Variants in SYCP2 observed in about 807,000 individuals in gnomAD.
SYCP2 encodes the protein synaptonemal complex lateral element protein.
In SYCP2, 55 loss-of-function variants were observed where a neutral mutation model predicts 211.3. That is an observed-to-expected ratio of 0.26 (90% confidence interval 0.21 to 0.33). The LOEUF is 0.33. Among genes scored for constraint, SYCP2 ranks in the 10% least tolerant of loss-of-function variants. SYCP2 has a pLI of 1.00. For synonymous variants in SYCP2, 570 were observed against 555.2 expected (o/e 1.03, Z -0.37); for missense variants, 1,731 against 1,752.0 (o/e 0.99, Z 0.21).
chr20:59,901,755 G>A lies in SYCP2; in HGVS notation c.1089C>T (p.Ser363=), dbSNP rs1182002218. ...TIILKNTVKI[S]KREGKELLLY... is the part of the protein sequence containing the mutation. ...AAAGCAATTCTTTCCCTTCTCTTTT[G>A]CTAATTTTTACTGTATTTTTCAGAA... Residue 363 remains serine (S), a synonymous_variant, in exon 16 of 45, where the codon AGC becomes AGT. Transcript: ENST00000357552. 1.2e-6 allele frequency: 2 copies of A among 1,604,148 alleles called. No homozygotes were observed. The highest frequency in any genetic ancestry group is 2.2e-5 in the South Asian group (2 of 89,566).
chr20:59,915,418 T>G (rs1187369260), intron 9 of SYCP2, 47 bp downstream of exon 9: 1 of 1,300,962 alleles, frequency 7.7e-7, no homozygotes, highest in Non-Finnish European at 1.1e-6. Context: ...TTATAAAACA[T>G]TCTTATGGAT....
At position 59,909,738 on chromosome 20, in the gene SYCP2, A is replaced by C. The variant is rs566507558; in HGVS notation, c.972+2012T>G. Among the ~76,000 whole-genome samples the C allele has an allele frequency of 5.9e-5, 9 of 152,372 alleles. No homozygotes were observed. The East Asian group carries it at 1.7e-3, about 29-fold the overall frequency. Reference sequence around the variant, plus strand: ...TTTACTCATTCTTCCAACAAACATGAGCCACTGAATAGCTATAAACTAATC... The same window carrying C: ...TTTACTCATTCTTCCAACAAACATGCGCCACTGAATAGCTATAAACTAATC... On this transcript the variant is annotated intron_variant, in intron 14 of 44. Coordinates refer to ENST00000357552, the MANE Select transcript of SYCP2 (RefSeq NM_014258.4).
chr20:59,883,898 T>C (rs1165668907), intron 26 of SYCP2, among the ~76,000 whole-genome samples: 2 of 152,034 alleles, frequency 1.3e-5, no homozygotes, highest in Non-Finnish European at 2.9e-5. Flanking sequence ...TAAGAGTAGA[T>C]TTTATGCGTT....
At chr20:59,899,642 GA>G (rs895179679) in intron 18 of SYCP2, among the ~76,000 whole-genome samples, 3 of 152,042 alleles carry the variant, frequency 2.0e-5, no homozygotes, top group African/African-American at 7.2e-5. Context: ...CGGACCTTAA[GA>G]AACAGGGGGC....
intron 31 of SYCP2, among the ~76,000 whole-genome samples, chr20:59,879,256 C>T (rs1248856760): frequency 6.6e-6 from 1 of 152,002 alleles, no homozygotes; most frequent in Non-Finnish European, 1.5e-5. Context: ...TACTTCAATA[C>T]TGCATTCCCT....
chr20:59,908,629 T>TA (rs1020242126), intron 14 of SYCP2, among the ~76,000 whole-genome samples: 30 of 152,256 alleles, frequency 2.0e-4, no homozygotes, highest in Middle Eastern at 3.4e-3. Flanking sequence ...GTTCACTTTT[T>TA]AAAAAAACAC....
At position 59,912,384 on chromosome 20, in the gene SYCP2, C is replaced by G; in HGVS notation, c.865G>C (p.Asp289His). Residue 289 changes from aspartate (D) to histidine (H), a missense_variant, in exon 13 of 45, where the codon GAT (aspartate) becomes CAT (histidine). Around this residue, in one of 3 missense-constraint regions of SYCP2, gnomAD observed 335 missense variants for 378.8 expected, o/e 0.88. Coordinates refer to ENST00000357552, the MANE Select transcript of SYCP2 (RefSeq NM_014258.4). ...AATTAAAATTTTACCTCATATTTAT[C>G]AAGAAATGCTGATAAACAAGGAAAT... ...FTFPCLSAFLDKYELQIPSDE... is the reference protein window; with the variant it reads ...FTFPCLSAFLHKYELQIPSDE... The G allele has an allele frequency of 1.9e-6, 2 of 1,076,754 alleles. No individual in the cohort carries two copies. The highest frequency in any genetic ancestry group is 1.5e-5 in the South Asian group (1 of 68,160). 66.7% of individuals were successfully genotyped at this position (1,076,754 alleles called of 1,614,324 possible). A position where few individuals can be genotyped will look rare whatever the true frequency, so the allele number is the denominator to read the frequency against.
chr20:59,921,121 C>T (rs2060533468), intron 4 of SYCP2, among the ~76,000 whole-genome samples, 189 bp downstream of exon 4: 1 of 151,562 alleles, frequency 6.6e-6, no homozygotes, highest in Non-Finnish European at 1.5e-5. Flanking sequence ...TGGGAAATGA[C>T]ATTCCAATGT....
chr20:59,875,132 A>C, intron 34 of SYCP2, 139 bp downstream of exon 34: 1 of 536,754 alleles, frequency 1.9e-6, no homozygotes, highest in Non-Finnish European at 3.2e-6. Flanking sequence ...TACTAGCATT[A>C]ATTAGCTTAA....
At chr20:59,879,654 CA>C (rs1401529391) in intron 31 of SYCP2, among the ~76,000 whole-genome samples, 3 of 150,470 alleles carry the variant, frequency 2.0e-5, no homozygotes, top group Non-Finnish European at 4.4e-5. Context: ...ACAGAGAAAG[CA>C]GAAGCCACTT....
In SYCP2 at chr20:59,919,574, G is replaced by A; in HGVS notation, c.321C>T (p.Ser107=). The A allele has an allele frequency of 6.2e-7, 1 of 1,607,444 alleles. No homozygotes were observed. Among genetic ancestry groups the A allele is most frequent in the Non-Finnish European group, 8.5e-7 (1 of 1,176,372 alleles). ...TTCCTTGACTCTGAATAATGTCCTT[G>A]GATTTTTCAAACCAGGCAACCATGT... ...IQKMVAWFEK[S]KDIIQSQGNS... Residue 107 remains serine (S), a synonymous_variant, in exon 6 of 45, where the codon TCC becomes TCT. Transcript: ENST00000357552.
chr20:59,876,262 T>C (rs1159783783), intron 33 of SYCP2, among the ~76,000 whole-genome samples: 1 of 150,432 alleles, frequency 6.6e-6, no homozygotes, highest in Non-Finnish European at 1.5e-5. Context: ...TCCCAGCTAC[T>C]AGGCAGGCTG....
intron 3 of SYCP2, 122 bp downstream of exon 3, chr20:59,922,268 T>A: frequency 1.2e-6 from 1 of 852,230 alleles, no homozygotes; most frequent in East Asian, 2.8e-5. Flanking sequence ...AAACTATTCT[T>A]GACCATTTCA....
chr20:59,913,335 A>ATGAC (rs954195531), intron 12 of SYCP2, among the ~76,000 whole-genome samples: 2 of 152,170 alleles, frequency 1.3e-5, no homozygotes, highest in Non-Finnish European at 2.9e-5. Flanking sequence ...ATCAGGTAAT[A>ATGAC]TGACTCCTTG....
At chr20:59,885,261 T>A (rs1434467001) in intron 26 of SYCP2, 2 of 152,038 alleles carry the variant, frequency 1.3e-5, no homozygotes, top group African/African-American at 2.4e-5. Context: ...GTAAGTGGCA[T>A]GATTGGAGCT....
Position 59,920,451 on chromosome 20 carries a change from T to C in SYCP2, c.205A>G (p.Ile69Val), listed in dbSNP as rs756830364. ...NKEDIHNVSAILVSVGRCGKN... is the reference protein window; with the variant it reads ...NKEDIHNVSAVLVSVGRCGKN... ...CCACATCTTCCAACAGAAACCAAAA[T>C]GGCTGAAACATTGTGGATATCCTCT... The change falls in exon 5 of 45, where the codon ATT becomes GTT. Residue 69 changes from isoleucine to valine, a missense_variant. Transcript: ENST00000357552. The C allele has an allele frequency of 1.2e-6, 2 of 1,607,734 alleles. No homozygotes were observed. Among genetic ancestry groups the C allele is most frequent in the Non-Finnish European group, 1.7e-6 (2 of 1,175,928 alleles).
Position 59,892,628 on chromosome 20 carries a change from T to C in SYCP2, c.1867A>G (p.Asn623Asp). 6.2e-7 allele frequency: 1 copy of C among 1,610,832 alleles called. No individual in the cohort carries two copies. Among genetic ancestry groups the C allele is most frequent in the African/African-American group, 1.3e-5 (1 of 74,880 alleles). The change falls in exon 23 of 45, where the codon AAC becomes GAC. Residue 623 changes from asparagine to aspartate, a missense_variant. By Grantham distance (23) the Asn-to-Asp change is conservative. Transcript: ENST00000357552. The part of the protein sequence containing the change: ...SKWACWTPVT[N>D]IELCNNQRAS... The stretch of plus-strand genomic sequence containing the variant: ...CTTTGGTTATTACATAGTTCAATGT[T>C]TGTTACAGGTGTCCAACATGCCCAT...
intron 1 of SYCP2, among the ~76,000 whole-genome samples, chr20:59,932,416 C>G (rs578037466): frequency 7.2e-5 from 11 of 152,292 alleles, no homozygotes; most frequent in Admixed American, 1.3e-4. Flanking sequence ...TGGCTCACAC[C>G]TGTAATCCCA....
chr20:59,865,525 C>G, intron 43 of SYCP2, 48 bp downstream of exon 43: 1 of 1,573,188 alleles, frequency 6.4e-7, no homozygotes, highest in Non-Finnish European at 8.7e-7. Flanking sequence ...TTAACAAATT[C>G]TTTTTGTAAT....
Sources: allele counts gnomAD v4.1 joint callset (sites outside exome capture counted in the v4.1 genomes callset), GRCh38; gene constraint gnomAD v4.1.1; regional missense constraint gnomAD v4.1.1; transcripts MANE v1.5; gene names NCBI Gene and HGNC (gene_info 2026-07-23, HGNC 2026-07-21).